Variants in FGF14 observed in about 807,000 individuals in gnomAD.
FGF14 encodes fibroblast growth factor homologous factor 4.
A neutral mutation model predicts 25.5 loss-of-function variants in FGF14; 5 were observed. The observed-to-expected ratio is 0.20, with a 90% CI of 0.10 to 0.41. The LOEUF is 0.41. FGF14 is among the 10% of genes least tolerant of loss of function. The probability of loss-of-function intolerance (pLI) is 1.00; values close to 1 mark genes in which losing one functional copy is unlikely to be tolerated. For missense variants in FGF14, 222 were observed against 320.1 expected, an observed-to-expected ratio of 0.69 and a Z score of 2.34; for synonymous variants, 138 against 118.3, an observed-to-expected ratio of 1.17 and a Z score of -1.08.
Position 102,024,415 on chromosome 13 carries a change from A to G in FGF14, c.209-149119T>C, listed in dbSNP as rs80096065. Among the ~76,000 whole-genome samples the G allele has an allele frequency of 2.7e-3, 412 of 152,126 alleles. 2 individuals carry two copies. Among genetic ancestry groups the G allele is most frequent in the African/African-American group, 9.4e-3 (392 of 41,562 alleles). On this transcript the variant is annotated intron_variant, in intron 1 of 4. Transcript: ENST00000376131. The stretch of plus-strand genomic sequence containing the variant: ...TTCTTGTGTTTATTGGTAATTATAC[A>G]ACTTTTCTGGAGAACTGTCTATTCA...
chr13:102,138,222 T>C (rs2046496056), intron 1 of FGF14, among the ~76,000 whole-genome samples: 1 of 49,590 alleles, frequency 2.0e-5, no homozygotes, highest in Non-Finnish European at 4.5e-5. Context: ...ACAATTTCTA[T>C]GACAGTCCAG....
At chr13:101,823,789 T>A (rs892031247) in intron 3 of FGF14, among the ~76,000 whole-genome samples, 8 of 150,084 alleles carry the variant, frequency 5.3e-5, no homozygotes, top group South Asian at 4.2e-4. Context: ...ATGTATAGTA[T>A]CTATAAAGAT....
At chr13:102,287,185 C>T (rs2054147017) in intron 1 of FGF14, among the ~76,000 whole-genome samples, 2 of 152,030 alleles carry the variant, frequency 1.3e-5, no homozygotes, top group Non-Finnish European at 2.9e-5. Flanking sequence ...ATAGTGATAG[C>T]GATTAGGAAG....
At chr13:102,000,112 G>C (rs958419240) in intron 1 of FGF14, among the ~76,000 whole-genome samples, 16 of 152,154 alleles carry the variant, frequency 1.1e-4, no homozygotes, top group South Asian at 2.1e-4. Flanking sequence ...TCAGGAGATC[G>C]AGACCATCCT....
intron 1 of FGF14, among the ~76,000 whole-genome samples, chr13:101,932,671 A>G (rs2034839770): frequency 6.6e-6 from 1 of 151,408 alleles, no homozygotes. Flanking sequence ...ATTAGGAGAT[A>G]GGCAAGTTTC....
intron 1 of FGF14, among the ~76,000 whole-genome samples, chr13:102,053,293 C>G (rs1319508706): frequency 6.6e-6 from 1 of 152,046 alleles, no homozygotes; most frequent in African/African-American, 2.4e-5. Context: ...CATGATCCAA[C>G]AATATGCTGC....
In FGF14 at chr13:102,056,397, G is replaced by A. The variant is rs140606980; in HGVS notation, c.209-181101C>T. Among the ~76,000 whole-genome samples the A allele has an allele frequency of 6.3e-4, 96 of 152,276 alleles. No individual in the cohort carries two copies. In the Middle Eastern group the frequency reaches 0.014, roughly 22 times the overall value. ...CAATTGGTGCAAGAGTTTTCAGTTC[G>A]TGCCACTACCAACAGCAGAGATTAA... On this transcript the variant is annotated intron_variant, in intron 1 of 4. Transcript: ENST00000376131.
chr13:101,896,152 T>C (rs1037547135), intron 1 of FGF14, among the ~76,000 whole-genome samples: 6 of 152,178 alleles, frequency 3.9e-5, no homozygotes, highest in Admixed American at 1.3e-4. Context: ...CCCTTCCCTT[T>C]CTTTTTACTA....
upstream of FGF14, among the ~76,000 whole-genome samples, chr13:101,920,327 T>G (rs1214176085): frequency 6.6e-6 from 1 of 152,176 alleles, no homozygotes; most frequent in Non-Finnish European, 1.5e-5. Flanking sequence ...CACCAAGCTA[T>G]TGGGAGCCTG....
At chr13:102,068,792 C>T (rs555028404) in intron 1 of FGF14, among the ~76,000 whole-genome samples, 3 of 152,348 alleles carry the variant, frequency 2.0e-5, no homozygotes, top group Admixed American at 6.5e-5. Context: ...CGAGCCTCCC[C>T]GACGAGCACC....
chr13:102,019,936 C>T (rs76345725), intron 1 of FGF14, among the ~76,000 whole-genome samples: 6 of 151,910 alleles, frequency 3.9e-5, no homozygotes, highest in East Asian at 3.9e-4. Context: ...TAGCTCAAAA[C>T]GAAAAAGTAA....
At chr13:102,087,655 A>C (rs2043986009) in intron 1 of FGF14, among the ~76,000 whole-genome samples, 1 of 140,046 alleles carries the variant, frequency 7.1e-6, no homozygotes, top group Non-Finnish European at 1.5e-5. Flanking sequence ...CGATCTCCTG[A>C]CCTCGTGATC....
chr13:102,104,114 G>A (rs551988999), intron 1 of FGF14, among the ~76,000 whole-genome samples: 4 of 152,310 alleles, frequency 2.6e-5, no homozygotes, highest in African/African-American at 9.6e-5. Flanking sequence ...CGAGGACTAA[G>A]GATCCTTTTG....
At chr13:102,152,594 T>C (rs1467788307) in intron 1 of FGF14, among the ~76,000 whole-genome samples, 2 of 152,164 alleles carry the variant, frequency 1.3e-5, no homozygotes, top group African/African-American at 2.4e-5. Context: ...CTTCAACCTA[T>C]GAATTTTAGG....
Position 101,715,818 on chromosome 13 carries a change from GT to G in FGF14, c.*7012del, listed in dbSNP as rs2034696621. The G allele has an allele frequency of 2.1e-6, 1 of 483,576 alleles. No individual in the cohort carries two copies. Among genetic ancestry groups the G allele is most frequent in the East Asian group, 3.2e-5 (1 of 31,386 alleles). The allele number at this position is 483,576 out of a possible 1,614,324, so 30.0% of individuals were successfully genotyped here. ...AAATCCGAGTACCTATTAGAAATGA[GT>G]TATGCAAATTTAGATGCAAATAACA... On this transcript the variant is annotated 3_prime_UTR_variant, in exon 5 of 5. Transcript: ENST00000376143.
chr13:102,187,379 G>A (rs1401031802), intron 1 of FGF14, among the ~76,000 whole-genome samples: 1 of 152,132 alleles, frequency 6.6e-6, no homozygotes, highest in African/African-American at 2.4e-5. Context: ...CATGACCTAT[G>A]TCCAAACATT....
chr13:102,295,595 T>C (rs916721697), intron 1 of FGF14, among the ~76,000 whole-genome samples: 8 of 152,148 alleles, frequency 5.3e-5, no homozygotes, highest in African/African-American at 1.9e-4. Context: ...CTCAGGGCAC[T>C]GAAAATCAAA....
chr13:102,360,217 C>G (rs2057528698), intron 1 of FGF14, among the ~76,000 whole-genome samples: 1 of 152,176 alleles, frequency 6.6e-6, no homozygotes, highest in Non-Finnish European at 1.5e-5. Context: ...GAAGAAGGAT[C>G]AAGATCATCC....
At chr13:102,361,990 C>T (rs139453858) in intron 1 of FGF14, among the ~76,000 whole-genome samples, 1 of 152,112 alleles carries the variant, frequency 6.6e-6, no homozygotes, top group Non-Finnish European at 1.5e-5. Context: ...GTCCTCTTCT[C>T]AATTTCCATG....
Sources: allele counts gnomAD v4.1 joint callset (sites outside exome capture counted in the v4.1 genomes callset), GRCh38; gene constraint gnomAD v4.1.1; transcripts MANE v1.5; gene names NCBI Gene and HGNC (gene_info 2026-07-23, HGNC 2026-07-21).